Variants in FRRS1 observed in about 807,000 individuals in gnomAD.
FRRS1 encodes the protein ferric reductase 1.
In FRRS1, 51 loss-of-function variants were observed where a neutral mutation model predicts 70.7. The observed-to-expected ratio is 0.72, with a 90% CI of 0.58 to 0.91. The LOEUF is 0.91. FRRS1 is among the 40% of genes least tolerant of loss of function. The pLI is 0.00. For missense variants in FRRS1, 672 were observed against 726.0 expected (o/e 0.93, Z 0.86); for synonymous variants, 225 against 238.7 (o/e 0.94, Z 0.53).
At chr1:99,759,990 GACAA>G (rs1305575782) in intron 1 of FRRS1, among the ~76,000 whole-genome samples, 9 of 152,180 alleles carry the variant, frequency 5.9e-5, no homozygotes, top group East Asian at 1.9e-4. Context: ...ATTTCACAGG[GACAA>G]ACAAAGTGAG....
intron 7 of FRRS1, among the ~76,000 whole-genome samples, chr1:99,730,790 C>T (rs1480883275): frequency 6.6e-6 from 1 of 151,434 alleles, no homozygotes; most frequent in African/African-American, 2.4e-5. Flanking sequence ...TGGCGTGAAC[C>T]CGGGAGGTGG....
At chr1:99,738,445 A>G (rs1655788737) in intron 6 of FRRS1, among the ~76,000 whole-genome samples, 177 bp from the exon 7 acceptor site, 1 of 152,226 alleles carries the variant, frequency 6.6e-6, no homozygotes, top group African/African-American at 2.4e-5. Context: ...AAATGATCGG[A>G]GCAGTAGTTA....
In FRRS1 at chr1:99,712,431, A is replaced by C; in HGVS notation, c.1408T>G (p.Leu470Val). 1 of 1,609,508 alleles carries C rather than the reference A, an allele frequency of 6.2e-7. No homozygotes were observed. Among genetic ancestry groups the C allele is most frequent in the African/African-American group, 1.3e-5 (1 of 74,880 alleles). ...GGCTCTAAGTACCTTGGGTCATGTA[A>C]AGGTGGCCTGAAGACTGCCAGAAGA... ...QPLLAVFRPP[L>V]HDPRRQMFNW... The change falls in exon 13 of 17, where the codon TTA (leucine) becomes GTA (valine). Residue 470 changes from leucine (L) to valine (V), a missense_variant. Transcript: ENST00000646001.
chr1:99,729,551 G>A, intron 8 of FRRS1, 99 bp downstream of exon 8: 1 of 715,136 alleles, frequency 1.4e-6, no homozygotes, highest in Non-Finnish European at 2.5e-6. Flanking sequence ...GTGGAACTGT[G>A]GGGGTTGGAG....
At chr1:99,718,477 C>T (rs1654646372) in intron 10 of FRRS1, among the ~76,000 whole-genome samples, 1 of 152,122 alleles carries the variant, frequency 6.6e-6, no homozygotes, top group South Asian at 2.1e-4. Flanking sequence ...TACAGGCGTA[C>T]ACCACCATGG....
rs551851650 is a variant in FRRS1, at chr1:99,731,091, CAATT to C, written c.760-1347_760-1344del. 4.7e-4 allele frequency among the ~76,000 whole-genome samples: 72 copies of C among 152,064 alleles called. 1 individual carries two copies. In the South Asian group the frequency reaches 0.012, roughly 25 times the overall value. On this transcript the variant is annotated intron_variant, in intron 7 of 16. Transcript: ENST00000646001. Reference sequence around the variant, plus strand: ...AAGTGATAATCAAAAAGCAGACTGTCAATTAATAGGGGGAAAAAGAATGAAAAAG... The same window carrying C: ...AAGTGATAATCAAAAAGCAGACTGTCAATAGGGGGAAAAAGAATGAAAAAG...
chr1:99,746,292 G>A (rs916721403), intron 4 of FRRS1, among the ~76,000 whole-genome samples: 10 of 152,262 alleles, frequency 6.6e-5, no homozygotes, highest in Admixed American at 3.9e-4. Context: ...GATTGTCAAC[G>A]CTATGGAAGA....
At chr1:99,748,351 A>G in intron 3 of FRRS1, 2 of 406,546 alleles carry the variant, frequency 4.9e-6, no homozygotes, top group Non-Finnish European at 8.6e-6. Context: ...TAATAAAAAT[A>G]GTAAATAACG....
At chr1:99,754,864 T>C (rs541324150) in intron 1 of FRRS1, among the ~76,000 whole-genome samples, 1 of 152,310 alleles carries the variant, frequency 6.6e-6, no homozygotes, top group African/African-American at 2.4e-5. Flanking sequence ...CTGGGAAATA[T>C]ACACTTTAAC....
intron 4 of FRRS1, among the ~76,000 whole-genome samples, chr1:99,746,633 C>T (rs1656284874): frequency 2.6e-5 from 4 of 152,240 alleles, no homozygotes; most frequent in African/African-American, 4.8e-5. Context: ...TGCCAGATGA[C>T]GATGAGGACT....
chr1:99,724,584 C>T (rs1654990011), intron 9 of FRRS1, among the ~76,000 whole-genome samples: 1 of 152,072 alleles, frequency 6.6e-6, no homozygotes, highest in South Asian at 2.1e-4. Flanking sequence ...TGGCTTAAAC[C>T]TTACCAAGTC....
At position 99,759,056 on chromosome 1, in the gene FRRS1, G is replaced by C. The variant is rs1856403; in HGVS notation, c.-106+7551C>G. Among the ~76,000 whole-genome samples, 1,107 of 152,106 alleles carry C rather than the reference G, an allele frequency of 7.3e-3. 19 individuals carry two copies. Among genetic ancestry groups the C allele is most frequent in the African/African-American group, 0.026 (1,058 of 41,456 alleles). On this transcript the variant is annotated intron_variant, in intron 1 of 16. Coordinates refer to ENST00000646001, the MANE Select transcript of FRRS1 (RefSeq NM_001361041.2). Reference sequence around the variant, plus strand: ...ATGTTTATCAAGACAATACCTGCACGGCTGAACATAGACCCTTATCAGTAG... The same window carrying C: ...ATGTTTATCAAGACAATACCTGCACCGCTGAACATAGACCCTTATCAGTAG...
At position 99,712,511 on chromosome 1, in the gene FRRS1, G is replaced by C; in HGVS notation, c.1328C>G (p.Ala443Gly). 1 of 1,589,914 alleles carries C rather than the reference G, an allele frequency of 6.3e-7. No individual in the cohort carries two copies. Among genetic ancestry groups the C allele is most frequent in the Non-Finnish European group, 8.6e-7 (1 of 1,168,454 alleles). The stretch of plus-strand genomic sequence containing the variant: ...ACAGCCGAGGTATGGGTGGTAACCT[G>C]CATGCTAAACAAAGTTACATCATTT... ...FIYRGGWSRHAGYHPYLGCIV... is the reference protein window; with the variant it reads ...FIYRGGWSRHGGYHPYLGCIV... Residue 443 changes from alanine (A) to glycine (G), a missense_variant, in exon 13 of 17, where the codon GCA (alanine) becomes GGA (glycine). By Grantham distance (60) the Ala-to-Gly change is moderately conservative. Coordinates refer to ENST00000646001, the MANE Select transcript of FRRS1 (RefSeq NM_001361041.2).
chr1:99,762,084 C>T (rs1260089177), intron 1 of FRRS1, among the ~76,000 whole-genome samples: 2 of 152,140 alleles, frequency 1.3e-5, no homozygotes, highest in Non-Finnish European at 2.9e-5. Flanking sequence ...TTTTGATCAC[C>T]AAACTATCCA....
rs764615877 is a variant in FRRS1, at chr1:99,748,744, C to T, written c.25G>A (p.Gly9Ser). 6 of 1,613,550 alleles carry T rather than the reference C, an allele frequency of 3.7e-6. No individual in the cohort carries two copies. Among genetic ancestry groups the T allele is most frequent in the Non-Finnish European group, 5.1e-6 (6 of 1,179,702 alleles). Residue 9 changes from glycine (G) to serine (S), a missense_variant, in exon 3 of 17, where the codon GGT becomes AGT. By Grantham distance (56) the Gly-to-Ser change is moderately conservative (BLOSUM62 0). Transcript: ENST00000646001. MAVSGFTL[G>S]TCILLLHISY... is the part of the protein sequence containing the mutation. ...ATGTGCAACAGAAGTATGCAGGTAC[C>T]AAGAGTAAATCCAGAAACTGCCATC...
chr1:99,715,670 C>T lies in FRRS1; in HGVS notation c.1239G>A (p.Val413=), dbSNP rs768037596. ...TTGTGGTGAACATGAGCATCCGATG[C>T]ACCTGCAAGGTAAAATGACAAATTA... ...FLLGEAAWFQ[V]HRMLMFTTTV... Residue 413 remains valine, a splice_region_variant and synonymous_variant, in exon 12 of 17, where the codon GTG becomes GTA. Transcript: ENST00000646001. 2 of 1,608,136 alleles carry T rather than the reference C, an allele frequency of 1.2e-6. No individual in the cohort carries two copies. Among genetic ancestry groups the T allele is most frequent in the Admixed American group, 3.3e-5 (2 of 59,956 alleles).
chr1:99,736,813 A>C (rs937047770), intron 7 of FRRS1, among the ~76,000 whole-genome samples: 3 of 136,536 alleles, frequency 2.2e-5, no homozygotes, highest in Non-Finnish European at 3.1e-5. Flanking sequence ...AAAAAGAATA[A>C]AAAAAAGAAT....
Position 99,764,724 on chromosome 1 carries a change from T to C in FRRS1, c.-106+1883A>G, listed in dbSNP as rs2101012265. Among the ~76,000 whole-genome samples, 3 of 152,334 alleles carry C rather than the reference T, an allele frequency of 2.0e-5. No homozygotes were observed. The South Asian group carries it at 6.2e-4, about 32-fold the overall frequency. ...CAAATTATTTAACCTTACTGAGTCT[T>C]AGTTTTCTCACTTGTTAGAGACAAT... On this transcript the variant is annotated intron_variant, in intron 1 of 16. Transcript: ENST00000646001.
chr1:99,710,220 A>C (rs1654210684), intron 15 of FRRS1, among the ~76,000 whole-genome samples: 1 of 152,210 alleles, frequency 6.6e-6, no homozygotes, highest in Non-Finnish European at 1.5e-5. Flanking sequence ...CATTTAGCCT[A>C]GAATCCAGGC....
Sources: gnomAD v4.1 joint callset for allele counts (sites outside exome capture counted in the v4.1 genomes callset) on GRCh38, gnomAD v4.1.1 for gene constraint, MANE v1.5 for transcripts, NCBI Gene and HGNC (gene_info 2026-07-23, HGNC 2026-07-21) for gene names.